Variants in SETD1B observed in about 807,000 individuals in gnomAD.
SETD1B encodes the protein histone-lysine N-methyltransferase SETD1B.
In SETD1B, 7 loss-of-function variants were observed where a neutral mutation model predicts 148.0. The observed-to-expected ratio is 0.05, with a 90% confidence interval of 0.03 to 0.09. The LOEUF is 0.09. Ranked by LOEUF, SETD1B falls within the 10% of genes least tolerant of loss-of-function variation. SETD1B has a pLI of 1.00. For missense variants in SETD1B, 2,155 were observed against 2,729.9 expected (o/e 0.79, Z 4.69); for synonymous variants, 1,361 against 1,186.5 (o/e 1.15, Z -3.02).
intron 7 of SETD1B, among the ~76,000 whole-genome samples, 169 bp from the exon 8 acceptor site, chr12:121,816,864 T>C (rs779866627): frequency 2.6e-4 from 39 of 152,242 alleles, no homozygotes; most frequent in Admixed American, 3.9e-4. Flanking sequence ...AGCGGTGCTC[T>C]AGAGCCTCGT....
At chr12:121,828,203 A>G in intron 16 of SETD1B, 133 bp downstream of exon 16, 3 of 1,198,292 alleles carry the variant, frequency 2.5e-6, no homozygotes, top group Non-Finnish European at 3.5e-6. Context: ...GCCAAGGGTT[A>G]TAGGGAGAGG....
At chr12:121,818,978 C>G (rs1876435103) in intron 10 of SETD1B, among the ~76,000 whole-genome samples, 1 of 151,828 alleles carries the variant, frequency 6.6e-6, no homozygotes, top group African/African-American at 2.4e-5. Flanking sequence ...GGTGTGGTGG[C>G]TCACTCCTTT....
chr12:121,821,769 A>G (rs1876578887), intron 11 of SETD1B, among the ~76,000 whole-genome samples: 2 of 152,078 alleles, frequency 1.3e-5, no homozygotes, highest in Non-Finnish European at 1.5e-5. Flanking sequence ...AAATAAAATA[A>G]TGTAAAAATA....
Position 121,825,660 on chromosome 12 carries a change from G to T in SETD1B, c.5337+294G>T, listed in dbSNP as rs139209233. The stretch of plus-strand genomic sequence containing the variant: ...TTTTTTGCTTGGGTTTTTTTTTTAG[G>T]GGGGGACAAAGCCTTGCTCTGTCAC... On this transcript the variant is annotated intron_variant, in intron 13 of 16. Coordinates refer to ENST00000604567, the MANE Select transcript of SETD1B (RefSeq NM_001353345.2). Among the ~76,000 whole-genome samples, 74 of 151,834 alleles carry T rather than the reference G, an allele frequency of 4.9e-4. 1 individual carries two copies. The East Asian group carries it at 0.011, about 23-fold the overall frequency.
At chr12:121,809,465 C>T (rs1287292744) in intron 5 of SETD1B, 138 bp from the exon 6 acceptor site, 34 of 946,712 alleles carry the variant, frequency 3.6e-5, no homozygotes, top group Non-Finnish European at 5.1e-5. Flanking sequence ...TCCTCAATCT[C>T]CCCCACTTCC....
rs1236214935 is a variant in SETD1B at position 121,810,814 on chromosome 12, G to T, written c.1869G>T (p.Pro623=). 1.5e-5 allele frequency: 22 copies of T among 1,514,458 alleles called. No homozygotes were observed. The highest frequency in any genetic ancestry group is 1.9e-5 in the Non-Finnish European group (21 of 1,124,746). The allele number at this position is 1,514,458 out of a possible 1,614,324, so 93.8% of individuals were successfully genotyped here. Residue 623 remains proline (P), a synonymous_variant, in exon 6 of 17, where the codon CCG becomes CCT. Transcript: ENST00000604567. The surrounding 1 kb of genome is among the most constrained non-coding windows in gnomAD (Gnocchi z 7.6). ...TGGACCTGGTTGGAGACAGAACCCC[G>T]ACCTCAGAGAAGATGGATGAGGTAC... ...VALDLVGDRT[P]TSEKMDEGQQ... is the part of the protein sequence containing the mutation.
At position 121,819,911 on chromosome 12, in the gene SETD1B, C is replaced by T. The variant is rs1001520546; in HGVS notation, c.3910+16C>T. ...CGAGCTCCAGGTAACACCTGCAACCCCCTGGGAGGGTGGTGGGAGGGAGGC... is the reference window on the plus strand; with the variant it reads ...CGAGCTCCAGGTAACACCTGCAACCTCCTGGGAGGGTGGTGGGAGGGAGGC... On this transcript the variant is annotated intron_variant, in intron 11 of 16. Transcript: ENST00000604567. 7 of 1,542,572 alleles carry T rather than the reference C, an allele frequency of 4.5e-6. No individual in the cohort carries two copies. The highest frequency in any genetic ancestry group is 6.1e-6 in the Non-Finnish European group (7 of 1,143,412).
intron 16 of SETD1B, among the ~76,000 whole-genome samples, chr12:121,829,815 A>C (rs954336763): frequency 3.3e-5 from 5 of 152,198 alleles, no homozygotes; most frequent in African/African-American, 1.2e-4. Context: ...ATAGACATAC[A>C]TTTGGGAGGC....
chr12:121,811,324 C>T, intron 6 of SETD1B, among the ~76,000 whole-genome samples: 1 of 152,022 alleles, frequency 6.6e-6, no homozygotes, highest in East Asian at 1.9e-4. Context: ...GGAGCATTGT[C>T]TCCTAGAGCC....
chr12:121,809,095 A>G (rs1051627992), intron 5 of SETD1B, among the ~76,000 whole-genome samples: 1 of 152,028 alleles, frequency 6.6e-6, no homozygotes, highest in African/African-American at 2.4e-5. Flanking sequence ...GCTGGTCTTG[A>G]ACTCCTGACC....
chr12:121,804,770 C>A lies in SETD1B; in HGVS notation c.33C>A (p.His11Gln), dbSNP rs571737223. ...ACAGTCACCCCCCCCACCACCACCACCAGCAGCCCCCGCCGCAGCCCGGCC... is the reference window on the plus strand; with the variant it reads ...ACAGTCACCCCCCCCACCACCACCAACAGCAGCCCCCGCCGCAGCCCGGCC... Reference protein sequence around the residue: MENSHPPHHHHQQPPPQPGPS... With the variant: MENSHPPHHHQQQPPPQPGPS... Residue 11 changes from histidine (H) to glutamine (Q), a missense_variant, in exon 2 of 17, where the codon CAC becomes CAA. Around this residue, in one of 11 missense-constraint regions of SETD1B, gnomAD observed 36 missense variants for 23.5 expected, o/e 1.53. Transcript: ENST00000604567. This position sits in a 1 kb window ranked among gnomAD's most constrained non-coding sequence, Gnocchi z 4.6. 1 of 1,549,654 alleles carries A rather than the reference C, an allele frequency of 6.5e-7. No homozygotes were observed. Among genetic ancestry groups the A allele is most frequent in the South Asian group, 1.2e-5 (1 of 83,910 alleles).
chr12:121,792,644 C>T, the SETD1B span, among the ~76,000 whole-genome samples: 1 of 152,248 alleles, frequency 6.6e-6, no homozygotes, highest in Non-Finnish European at 1.5e-5. Flanking sequence ...ACACAGAACT[C>T]GCATCCACAG....
chr12:121,825,494 C>T, intron 13 of SETD1B, 128 bp downstream of exon 13: 1 of 351,660 alleles, frequency 2.8e-6, no homozygotes, highest in Non-Finnish European at 5.5e-6. Context: ...ACAGAGGGTG[C>T]AAGTGGAAGG....
intron 4 of SETD1B, among the ~76,000 whole-genome samples, chr12:121,806,398 C>T (rs905872279): frequency 4.2e-4 from 64 of 152,266 alleles, no homozygotes; most frequent in Non-Finnish European, 3.7e-4. Context: ...TCTCTGAGCC[C>T]TGGTGGCTTG....
upstream of SETD1B, chr12:121,801,036 G>A (rs1362329937): frequency 1.3e-5 from 2 of 152,182 alleles, no homozygotes; most frequent in Admixed American, 6.5e-5. Context: ...TTGGGAGGAG[G>A]AGCGAGCGCG....
chr12:121,815,588 C>T (rs1312467791), intron 7 of SETD1B, among the ~76,000 whole-genome samples: 1 of 152,136 alleles, frequency 6.6e-6, no homozygotes, highest in Admixed American at 6.5e-5. Context: ...TAGCTCACTG[C>T]ACCCTCAACC....
Position 121,809,833 on chromosome 12 carries a change from C to T in SETD1B, c.888C>T (p.Pro296=), listed in dbSNP as rs564602895. The change falls in exon 6 of 17, where the codon CCC becomes CCT. Residue 296 remains proline, a synonymous_variant. Transcript: ENST00000604567. ...GCTACTCCAGCCGCCAGCCCACACC[C>T]TCATACCTCTTCAGCCAGGACCCTG... is the stretch of plus-strand genomic sequence containing the variant. ...DSSYSSRQPT[P]SYLFSQDPAV... 4 of 1,551,564 alleles carry T rather than the reference C, an allele frequency of 2.6e-6. No homozygotes were observed. In the Admixed American group the frequency reaches 5.9e-5, roughly 23 times the overall value.
the SETD1B span, among the ~76,000 whole-genome samples, chr12:121,798,675 C>G: frequency 1.3e-5 from 2 of 152,194 alleles, no homozygotes; most frequent in Admixed American, 6.5e-5. Context: ...CGAACAGGCC[C>G]CCAGAGCTCG....
intron 11 of SETD1B, 54 bp downstream of exon 11, chr12:121,819,949 C>A: frequency 7.0e-7 from 1 of 1,437,958 alleles, no homozygotes; most frequent in Non-Finnish European, 9.4e-7. Flanking sequence ...GAAGTCCTCA[C>A]TGTCAGAATC....
Sources: gnomAD v4.1 joint callset for allele counts (sites outside exome capture counted in the v4.1 genomes callset) on GRCh38, gnomAD v4.1.1 for gene constraint, gnomAD v4.1.1 regional missense constraint, Gnocchi (gnomAD v3.1) non-coding constraint, MANE v1.5 for transcripts, NCBI Gene and HGNC (gene_info 2026-07-23, HGNC 2026-07-21) for gene names.